The following ITGA6 variants were observed in gnomAD, a reference collection of about 807,000 sequenced individuals.
The protein encoded by ITGA6 is integrin subunit alpha 6, also known as integrin alpha-6.
ITGA6 carries 63 observed loss-of-function variants against 133.6 expected under a neutral mutation model. That is an observed-to-expected ratio of 0.47 (90% CI 0.38 to 0.58). The LOEUF (loss-of-function observed/expected upper bound fraction) is 0.58, where lower values mean the gene tolerates loss of function less well. ITGA6 is among the 20% of genes least tolerant of loss of function. The probability of loss-of-function intolerance (pLI) is 0.00; values close to 1 mark genes in which losing one functional copy is unlikely to be tolerated. For missense variants in ITGA6, 1,068 were observed against 1,309.4 expected (o/e 0.82, Z 2.85); for synonymous variants, 434 against 482.0 (o/e 0.90, Z 1.30).
At chr2:172,445,680 C>T (rs1684740098) in intron 1 of ITGA6, among the ~76,000 whole-genome samples, 1 of 150,988 alleles carries the variant, frequency 6.6e-6, no homozygotes, top group South Asian at 2.1e-4. Context: ...AAAAAAAAGC[C>T]TGAAAGACCT....
At chr2:172,435,616 CTTTTTTTTTTT>C (rs58005683) in intron 1 of ITGA6, among the ~76,000 whole-genome samples, 3 of 82,250 alleles carry the variant, frequency 3.6e-5, no homozygotes, top group Admixed American at 1.5e-4. Flanking sequence ...AGTTTTGTTT[CTTTTTTTTTTT>C]TTTTTTTTTT....
Position 172,486,987 on chromosome 2 carries a change from T to C in ITGA6, c.1855-36T>C. On this transcript the variant is annotated intron_variant, in intron 13 of 25. Transcript: ENST00000684293. Reference sequence around the variant, plus strand: ...CATCGATGCCTTCCTGAGTCCTGAATGGTGTAAATTGACAATAGTTTTCGT... The same window carrying C: ...CATCGATGCCTTCCTGAGTCCTGAACGGTGTAAATTGACAATAGTTTTCGT... 3 of 1,143,500 alleles carry C rather than the reference T, an allele frequency of 2.6e-6. No homozygotes were observed. In the South Asian group the frequency reaches 3.7e-5, roughly 14 times the overall value. 70.8% of individuals were successfully genotyped at this position (1,143,500 alleles called of 1,614,324 possible). A position where few individuals can be genotyped will look rare whatever the true frequency, so the allele number is the denominator to read the frequency against.
chr2:172,485,380 TA>T (rs1390504605), intron 13 of ITGA6, 116 bp downstream of exon 13: 2 of 945,314 alleles, frequency 2.1e-6, no homozygotes, highest in African/African-American at 3.2e-5. Flanking sequence ...TCTTTTGTGT[TA>T]ATATGTTTTT....
intron 1 of ITGA6, among the ~76,000 whole-genome samples, chr2:172,436,772 T>G (rs1302373415): frequency 1.3e-5 from 2 of 152,240 alleles, no homozygotes. Flanking sequence ...TATTTGGCAC[T>G]GTTCTAGTGC....
At chr2:172,428,602 C>T (rs957106702) in intron 1 of ITGA6, 6 of 150,962 alleles carry the variant, frequency 4.0e-5, no homozygotes, top group African/African-American at 1.5e-4. Flanking sequence ...CACCTGTTCG[C>T]TGGACTAGAT....
In ITGA6 at chr2:172,505,048, T is replaced by C. The variant is rs143269892; in HGVS notation, c.*980T>C. 1 of 152,692 alleles carries C rather than the reference T, an allele frequency of 6.5e-6. No individual in the cohort carries two copies. Among genetic ancestry groups the C allele is most frequent in the East Asian group, 1.9e-4 (1 of 5,178 alleles). 9.5% of individuals were successfully genotyped at this position (152,692 alleles called of 1,614,324 possible). The stretch of plus-strand genomic sequence containing the variant: ...TAAATTATTTACTGCAAAAAGAAAA[T>C]CTTTATAAATGTACCAGAGAGAGTT... On this transcript the variant is annotated 3_prime_UTR_variant, in exon 26 of 26. Transcript: ENST00000684293.
At chr2:172,452,857 TG>T (rs1476840399) in intron 1 of ITGA6, among the ~76,000 whole-genome samples, 1 of 152,190 alleles carries the variant, frequency 6.6e-6, no homozygotes, top group Non-Finnish European at 1.5e-5. Flanking sequence ...AAATGTGGTG[TG>T]GGTATTTGGA....
intron 1 of ITGA6, among the ~76,000 whole-genome samples, chr2:172,462,109 G>C (rs1685449514): frequency 6.6e-6 from 1 of 152,188 alleles, no homozygotes; most frequent in Non-Finnish European, 1.5e-5. Context: ...AATGTGGTTG[G>C]GGTTACTGTG....
Position 172,457,295 on chromosome 2 carries a change from C to CAAAAAAAAAAAA in ITGA6, c.183-8235_183-8224dup, listed in dbSNP as rs71403305. ...GGGTGACAGAGCGAGATTCTGTCTC[C>CAAAAAAAAAAAA]AAAAAAAAAAAAAAAAAAAAGAAGC... On this transcript the variant is annotated intron_variant, in intron 1 of 25. Transcript: ENST00000684293. 2.0e-4 allele frequency among the ~76,000 whole-genome samples: 16 copies of CAAAAAAAAAAAA among 79,346 alleles called. 1 individual carries two copies. Among genetic ancestry groups the CAAAAAAAAAAAA allele is most frequent in the African/African-American group, 7.4e-4 (15 of 20,384 alleles). The allele number at this position is 79,346 out of a possible 152,430, so 52.1% of individuals were successfully genotyped here. A position where few individuals can be genotyped will look rare whatever the true frequency, so the allele number is the denominator to read the frequency against.
intron 5 of ITGA6, chr2:172,472,976 T>C: frequency 1.2e-6 from 1 of 803,718 alleles, no homozygotes; most frequent in Non-Finnish European, 2.2e-6. Flanking sequence ...CATAAATCTT[T>C]TTATGCCCTA....
intron 6 of ITGA6, 128 bp from the exon 7 acceptor site, chr2:172,474,801 T>C (rs557671113): frequency 4.2e-6 from 3 of 711,222 alleles, no homozygotes; most frequent in African/African-American, 1.8e-5. Flanking sequence ...AAAAATGTTA[T>C]AATTGAGTCA....
intron 1 of ITGA6, among the ~76,000 whole-genome samples, chr2:172,444,894 A>C (rs1471534025): frequency 2.6e-5 from 4 of 151,916 alleles, no homozygotes; most frequent in Admixed American, 2.6e-4. Flanking sequence ...AATATTCTTA[A>C]ATCTGTAAGT....
At position 172,427,734 on chromosome 2, in the gene ITGA6, C is replaced by T. The variant is rs1212487320; in HGVS notation, c.-55C>T. 4 of 1,503,210 alleles carry T rather than the reference C, an allele frequency of 2.7e-6. No individual in the cohort carries two copies. The highest frequency in any genetic ancestry group is 5.6e-5 in the East Asian group (2 of 35,676). The allele number at this position is 1,503,210 out of a possible 1,614,324, so 93.1% of individuals were successfully genotyped here. On this transcript the variant is annotated 5_prime_UTR_variant, in exon 1 of 26. Transcript: ENST00000684293. ...GCAGCGCGGCAGCCTCGGACCCAGCCCGGAGCGCAGGGCGGCCGCTGCAGG... is the reference window on the plus strand; with the variant it reads ...GCAGCGCGGCAGCCTCGGACCCAGCTCGGAGCGCAGGGCGGCCGCTGCAGG...
chr2:172,470,092 A>T (rs1685854914), intron 4 of ITGA6, among the ~76,000 whole-genome samples: 1 of 152,218 alleles, frequency 6.6e-6, no homozygotes, highest in Admixed American at 6.5e-5. Flanking sequence ...GCCATTTTTG[A>T]GAAATGTATT....
Position 172,450,929 on chromosome 2 carries a change from TTAAA to T in ITGA6, c.183-14603_183-14600del, listed in dbSNP as rs1235544425. On this transcript the variant is annotated intron_variant, in intron 1 of 25. Transcript: ENST00000684293. ...TATATTATATATAAATTATATAAAT[TTAAA>T]TAAATATAAATATATTTATCTTGTA... 4.2e-5 allele frequency among the ~76,000 whole-genome samples: 6 copies of T among 141,380 alleles called. No homozygotes were observed. The East Asian group carries it at 5.9e-4, about 14-fold the overall frequency. The allele number at this position is 141,380 out of a possible 152,430, so 92.8% of individuals were successfully genotyped here.
intron 1 of ITGA6, chr2:172,428,586 A>G (rs1683974714): frequency 6.6e-6 from 1 of 150,760 alleles, no homozygotes; most frequent in African/African-American, 2.4e-5. Context: ...GCGGGAATTA[A>G]CCAAACACCT....
chr2:172,470,928 G>T, intron 4 of ITGA6, 46 bp from the exon 5 acceptor site: 1 of 1,600,746 alleles, frequency 6.2e-7, no homozygotes, highest in Non-Finnish European at 8.5e-7. Context: ...ATTTTCTTTT[G>T]TTTCATCTTC....
At chr2:172,462,864 T>C (rs536388190) in intron 1 of ITGA6, among the ~76,000 whole-genome samples, 12 of 152,294 alleles carry the variant, frequency 7.9e-5, no homozygotes, top group African/African-American at 2.6e-4. Context: ...AGGCTGCTGA[T>C]CCTCGACCCC....
chr2:172,434,975 C>A (rs930082271), intron 1 of ITGA6, among the ~76,000 whole-genome samples: 4 of 151,626 alleles, frequency 2.6e-5, no homozygotes, highest in Admixed American at 2.0e-4. Context: ...ATCAATGTCA[C>A]TGTGGTTTCT....
Sources: allele counts gnomAD v4.1 joint callset (sites outside exome capture counted in the v4.1 genomes callset), GRCh38; gene constraint gnomAD v4.1.1; transcripts MANE v1.5; gene names NCBI Gene and HGNC (gene_info 2026-07-23, HGNC 2026-07-21).